FBXL17: variants seen among roughly 807,000 people sequenced by gnomAD.
FBXL17 encodes F-box and leucine rich repeat protein 17.
A neutral mutation model predicts 66.2 loss-of-function variants in FBXL17; 22 were observed. The observed-to-expected ratio is 0.33, with a 90% confidence interval of 0.24 to 0.47. The LOEUF is 0.47. FBXL17 is among the 20% of genes least tolerant of loss of function. The probability of loss-of-function intolerance (pLI) is 1.00; values close to 1 mark genes in which losing one functional copy is unlikely to be tolerated. For synonymous variants in FBXL17, 474 were observed against 400.5 expected (o/e 1.18, Z -2.19); for missense variants, 878 against 948.2 (o/e 0.93, Z 0.97).
Position 108,204,811 on chromosome 5 carries a change from G to GT in FBXL17, c.1615-18565dup, listed in dbSNP as rs552587274. 5.9e-5 allele frequency among the ~76,000 whole-genome samples: 7 copies of GT among 117,866 alleles called. No homozygotes were observed. In the East Asian group the frequency reaches 1.8e-3, roughly 30 times the overall value. 77.3% of individuals were successfully genotyped at this position (117,866 alleles called of 152,430 possible). A position where few individuals can be genotyped will look rare whatever the true frequency, so the allele number is the denominator to read the frequency against. ...TTTTTAATTTTTTTACCCCTTAAAA[G>GT]TTTTTTAATCATTATGGAAATTTTC... On this transcript the variant is annotated intron_variant, in intron 5 of 8. Transcript: ENST00000542267.
chr5:107,865,923 G>C (rs899821236), intron 8 of FBXL17, among the ~76,000 whole-genome samples: 1 of 152,120 alleles, frequency 6.6e-6, no homozygotes, highest in African/African-American at 2.4e-5. Flanking sequence ...AGGATTCAGC[G>C]TAAGACACCA....
rs36073647 is a variant in FBXL17, at chr5:108,161,161, G to GATACATACATACATACATACATACATAC, written c.1745+24928_1745+24955dup. Among the ~76,000 whole-genome samples, 210 of 149,314 alleles carry GATACATACATACATACATACATACATAC rather than the reference G, an allele frequency of 1.4e-3. 2 individuals are homozygous for GATACATACATACATACATACATACATAC. Among genetic ancestry groups the GATACATACATACATACATACATACATAC allele is most frequent in the East Asian group, 0.014 (69 of 5,046 alleles). On this transcript the variant is annotated intron_variant, in intron 6 of 8. Transcript: ENST00000542267. ...GTTGGGAATAATTAATCAACAAATAGATACATACATACATACATACATACA... is the reference window on the plus strand; with the variant it reads ...GTTGGGAATAATTAATCAACAAATAGATACATACATACATACATACATACATACATACATACATACATACATACATACA...
intron 6 of FBXL17, among the ~76,000 whole-genome samples, chr5:108,125,015 C>T (rs1750643367): frequency 6.6e-6 from 1 of 151,934 alleles, no homozygotes; most frequent in Admixed American, 6.6e-5. Context: ...CTGAAATTAT[C>T]TAACTAGTTG....
intron 8 of FBXL17, among the ~76,000 whole-genome samples, chr5:107,871,702 G>T (rs557658768): frequency 1.3e-5 from 2 of 150,552 alleles, no homozygotes; most frequent in Non-Finnish European, 1.5e-5. Context: ...TTGCTTGGGG[G>T]AGTCATCTGC....
At chr5:107,949,946 G>GC (rs1181412623) in intron 7 of FBXL17, among the ~76,000 whole-genome samples, 1 of 152,126 alleles carries the variant, frequency 6.6e-6, no homozygotes, top group African/African-American at 2.4e-5. Flanking sequence ...ATTTGTGAAT[G>GC]CCCCCCACCT....
intron 4 of FBXL17, among the ~76,000 whole-genome samples, chr5:108,321,874 T>C (rs1759635728): frequency 6.6e-6 from 1 of 151,968 alleles, no homozygotes; most frequent in African/African-American, 2.4e-5. Flanking sequence ...AGAAAAAGAT[T>C]AGCAACTCAG....
At position 108,381,989 on chromosome 5, in the gene FBXL17, G is replaced by C. The variant is rs1239861512; in HGVS notation, c.-298C>G. On this transcript the variant is annotated 5_prime_UTR_variant, in exon 1 of 9. Transcript: ENST00000542267. The stretch of plus-strand genomic sequence containing the variant: ...AGCCTGCCGGCTAGGCGACCAGTCC[G>C]GGCCCGGCCAGCCGGCTCAGTCAGT... 2 of 1,182,784 alleles carry C rather than the reference G, an allele frequency of 1.7e-6. No homozygotes were observed. Among genetic ancestry groups the C allele is most frequent in the Non-Finnish European group, 1.0e-6 (1 of 954,528 alleles). 73.3% of individuals were successfully genotyped at this position (1,182,784 alleles called of 1,614,324 possible).
At chr5:108,143,022 T>C (rs1751415755) in intron 6 of FBXL17, among the ~76,000 whole-genome samples, 1 of 138,036 alleles carries the variant, frequency 7.2e-6, no homozygotes. Context: ...CACAGGAGCA[T>C]GAACCCTGTT....
At chr5:107,952,565 G>A (rs1561336307) in intron 7 of FBXL17, among the ~76,000 whole-genome samples, 1 of 152,160 alleles carries the variant, frequency 6.6e-6, no homozygotes, top group Non-Finnish European at 1.5e-5. Context: ...GTTACATTTT[G>A]AACGCACAAA....
chr5:107,937,028 T>C (rs528871489), intron 7 of FBXL17, among the ~76,000 whole-genome samples: 1 of 151,732 alleles, frequency 6.6e-6, no homozygotes, highest in African/African-American at 2.4e-5. Flanking sequence ...TTAAAAAAAA[T>C]TGGATGGGAA....
At chr5:108,117,566 C>G (rs998372130) in intron 6 of FBXL17, among the ~76,000 whole-genome samples, 5 of 152,086 alleles carry the variant, frequency 3.3e-5, no homozygotes. Flanking sequence ...GTATGCCTTT[C>G]ACGTACAAAA....
chr5:108,210,705 T>A (rs1754331622), intron 5 of FBXL17, among the ~76,000 whole-genome samples: 1 of 152,206 alleles, frequency 6.6e-6, no homozygotes, highest in Non-Finnish European at 1.5e-5. Flanking sequence ...CTCTTTTGCA[T>A]TTGCTGAGGA....
At chr5:108,264,596 ATAAAT>A (rs1756971551) in intron 4 of FBXL17, among the ~76,000 whole-genome samples, 2 of 152,326 alleles carry the variant, frequency 1.3e-5, no homozygotes, top group Middle Eastern at 3.4e-3. Context: ...TCAATTAAAA[ATAAAT>A]TAAAATTTTC....
chr5:108,328,712 A>T (rs547121323), intron 4 of FBXL17, among the ~76,000 whole-genome samples: 2 of 151,676 alleles, frequency 1.3e-5, no homozygotes, highest in South Asian at 4.2e-4. Flanking sequence ...ACTTTTTTTT[A>T]TGAGAACAAG....
intron 6 of FBXL17, among the ~76,000 whole-genome samples, chr5:108,163,120 G>A (rs1752276893): frequency 6.6e-6 from 1 of 152,146 alleles, no homozygotes; most frequent in Non-Finnish European, 1.5e-5. Context: ...AAATTCAAAT[G>A]TGACAAGCAT....
chr5:108,176,059 G>A (rs1436576940), intron 6 of FBXL17, among the ~76,000 whole-genome samples: 1 of 152,158 alleles, frequency 6.6e-6, no homozygotes, highest in Middle Eastern at 3.2e-3. Flanking sequence ...ACTCCTGGGA[G>A]AAGTGGGAGA....
intron 6 of FBXL17, among the ~76,000 whole-genome samples, chr5:108,034,171 C>T (rs1475843118): frequency 6.6e-6 from 1 of 152,158 alleles, no homozygotes; most frequent in Non-Finnish European, 1.5e-5. Flanking sequence ...CTTCAGGACA[C>T]ACACCTTTAG....
chr5:108,328,395 C>T (rs1315188905), intron 4 of FBXL17, among the ~76,000 whole-genome samples: 1 of 151,800 alleles, frequency 6.6e-6, no homozygotes, highest in Non-Finnish European at 1.5e-5. Context: ...CTCTTGGTTT[C>T]ATCAAAATTA....
At chr5:108,282,814 G>T (rs924089916) in intron 4 of FBXL17, among the ~76,000 whole-genome samples, 2 of 150,280 alleles carry the variant, frequency 1.3e-5, no homozygotes, top group African/African-American at 4.9e-5. Flanking sequence ...GAAGTTGCAG[G>T]ATACAAAATC....
Sources: gnomAD v4.1 joint callset for allele counts (sites outside exome capture counted in the v4.1 genomes callset) on GRCh38, gnomAD v4.1.1 for gene constraint, MANE v1.5 for transcripts, NCBI Gene and HGNC (gene_info 2026-07-23, HGNC 2026-07-21) for gene names.